Variants in TRPC3 observed in about 807,000 individuals in gnomAD.
TRPC3 encodes short transient receptor potential channel 3.
TRPC3 carries 54 observed loss-of-function variants against 90.9 expected under a neutral mutation model. The ratio of observed to expected loss-of-function variants is 0.59; its 90% CI spans 0.48 to 0.75. The LOEUF is 0.75. Among genes scored for constraint, TRPC3 ranks in the 30% least tolerant of loss-of-function variants. TRPC3 has a pLI of 0.00. For missense variants in TRPC3, 918 were observed against 1,194.5 expected (o/e 0.77, Z 3.41); for synonymous variants, 424 against 450.9 (o/e 0.94, Z 0.75).
At chr4:121,898,166 G>C (rs1214062510) in intron 10 of TRPC3, among the ~76,000 whole-genome samples, 1 of 152,334 alleles carries the variant, frequency 6.6e-6, no homozygotes, top group African/African-American at 2.4e-5. Context: ...GGAAGGGTAA[G>C]GGGTAGGGAG....
intron 3 of TRPC3, among the ~76,000 whole-genome samples, chr4:121,918,998 G>A (rs146403794): frequency 2.6e-4 from 40 of 152,248 alleles, no homozygotes; most frequent in African/African-American, 9.6e-4. Context: ...TTTGTATGCT[G>A]TTTCCTAACT....
In TRPC3 at chr4:121,874,512, C is replaced by T. The variant is rs573830284; in HGVS notation, c.*5224G>A. Among the ~76,000 whole-genome samples the T allele has an allele frequency of 2.0e-5, 3 of 152,122 alleles. No homozygotes were observed. The highest frequency in any genetic ancestry group is 4.4e-5 in the Non-Finnish European group (3 of 68,004). The stretch of plus-strand genomic sequence containing the variant: ...TCAACAACAGAAATTTATTTTCTCA[C>T]AGTCTTGGAGTCTAGAAGTCATAGA... On this transcript the variant is annotated 3_prime_UTR_variant, in exon 12 of 12. Transcript: ENST00000379645.
intron 9 of TRPC3, 53 bp downstream of exon 9, chr4:121,902,798 GA>G (rs559269234): frequency 1.4e-5 from 19 of 1,363,370 alleles, no homozygotes; most frequent in Admixed American, 2.3e-5. Flanking sequence ...CAGAAGACAA[GA>G]AAAAAAAGAC....
At position 121,884,448 on chromosome 4, in the gene TRPC3, A is replaced by G. The variant is rs72919921; in HGVS notation, c.2548-2019T>C. 3.9e-3 allele frequency among the ~76,000 whole-genome samples: 596 copies of G among 152,242 alleles called. 3 individuals are homozygous for G. The highest frequency in any genetic ancestry group is 0.014 in the African/African-American group (580 of 41,520). ...ATAGGTGTGAATGTAATTATGCTTCATAATTTATTTTGCATTACACATATT... is the reference window on the plus strand; with the variant it reads ...ATAGGTGTGAATGTAATTATGCTTCGTAATTTATTTTGCATTACACATATT... On this transcript the variant is annotated intron_variant, in intron 10 of 11. Coordinates refer to ENST00000379645, the MANE Select transcript of TRPC3 (RefSeq NM_001130698.2).
In TRPC3 at chr4:121,914,961, A is replaced by G; in HGVS notation, c.1177-17T>C. On this transcript the variant is annotated splice_polypyrimidine_tract_variant and intron_variant, in intron 3 of 11. Transcript: ENST00000379645. ...AGCCACAAACTATTGGGAGAGAGAG[A>G]GTTTGAGAAGGGGAGAGAAAGGTAA... 1 of 1,579,316 alleles carries G rather than the reference A, an allele frequency of 6.3e-7. No homozygotes were observed. The highest frequency in any genetic ancestry group is 1.1e-5 in the South Asian group (1 of 88,158).
At chr4:121,924,572 C>T (rs1009838101) in intron 3 of TRPC3, among the ~76,000 whole-genome samples, 1 of 152,198 alleles carries the variant, frequency 6.6e-6, no homozygotes. Context: ...GTCTTGCTTG[C>T]TCTGTTGCCC....
chr4:121,891,936 G>A (rs554598256), intron 10 of TRPC3, among the ~76,000 whole-genome samples: 1 of 152,254 alleles, frequency 6.6e-6, no homozygotes, highest in East Asian at 1.9e-4. Flanking sequence ...TATGTGCACT[G>A]CATGCATAAA....
In TRPC3 at chr4:121,910,160, T is replaced by C. The variant is rs766929139; in HGVS notation, c.1786A>G (p.Thr596Ala). 1.9e-6 allele frequency: 3 copies of C among 1,613,150 alleles called. No homozygotes were observed. The highest frequency in any genetic ancestry group is 2.7e-5 in the African/African-American group (2 of 74,984). The change falls in exon 6 of 12, where the codon ACT (threonine) becomes GCT (alanine). Residue 596 changes from threonine to alanine, a missense_variant. By Grantham distance (58) the Thr-to-Ala change is moderately conservative. This residue lies in a region of TRPC3 where 147 missense variants were observed against 263.5 expected (regional missense o/e 0.56). Transcript: ENST00000379645. ...VTLPPEIQYF[T>A]YARDKWLPSD... ...CCTGAAGCTAACAACTTACCATAAG[T>C]GAAATACTGTATCTCTGGTGGGAGT... is the stretch of plus-strand genomic sequence containing the variant.
At chr4:121,939,019 A>T (rs1730220406) in intron 1 of TRPC3, among the ~76,000 whole-genome samples, 1 of 152,082 alleles carries the variant, frequency 6.6e-6, no homozygotes. Context: ...TAAACATATT[A>T]TTCTGCCATT....
intron 4 of TRPC3, among the ~76,000 whole-genome samples, chr4:121,912,406 T>C (rs1458028458): frequency 6.6e-6 from 1 of 152,164 alleles, no homozygotes; most frequent in African/African-American, 2.4e-5. Flanking sequence ...CAAAAGAATA[T>C]GCAAAGTCTG....
At chr4:121,920,876 A>G (rs1560706280) in intron 3 of TRPC3, among the ~76,000 whole-genome samples, 2 of 152,332 alleles carry the variant, frequency 1.3e-5, no homozygotes, top group South Asian at 2.1e-4. Flanking sequence ...TACAATCGAA[A>G]AAACATTTTT....
At chr4:121,894,493 A>C (rs1490479840) in intron 10 of TRPC3, among the ~76,000 whole-genome samples, 1 of 149,658 alleles carries the variant, frequency 6.7e-6, no homozygotes, top group Admixed American at 6.7e-5. Flanking sequence ...CTACACCAAG[A>C]CCAATGGACC....
chr4:121,898,035 T>C (rs187542011), intron 10 of TRPC3, among the ~76,000 whole-genome samples: 2 of 152,148 alleles, frequency 1.3e-5, no homozygotes, highest in African/African-American at 4.8e-5. Flanking sequence ...TTATGTCAAG[T>C]GAAATAAGCC....
At chr4:121,881,352 G>A (rs1391511725) in intron 11 of TRPC3, among the ~76,000 whole-genome samples, 1 of 151,928 alleles carries the variant, frequency 6.6e-6, no homozygotes, top group Non-Finnish European at 1.5e-5. Context: ...TGTTTTTTAT[G>A]CCGTTTTAGC....
intron 8 of TRPC3, 83 bp downstream of exon 8, chr4:121,904,239 C>A: frequency 7.8e-7 from 1 of 1,286,546 alleles, no homozygotes; most frequent in Non-Finnish European, 1.1e-6. Flanking sequence ...TGAGCTGGAG[C>A]TCAGCCACAG....
intron 1 of TRPC3, among the ~76,000 whole-genome samples, chr4:121,943,194 T>C (rs398088876): frequency 1.8e-4 from 26 of 146,230 alleles, no homozygotes; most frequent in Non-Finnish European, 3.0e-5. Context: ...TTTCCCCCCC[T>C]AGATTACAGA....
At chr4:121,920,181 G>C (rs184839550) in intron 3 of TRPC3, among the ~76,000 whole-genome samples, 4 of 151,978 alleles carry the variant, frequency 2.6e-5, no homozygotes, top group Non-Finnish European at 5.9e-5. Context: ...AATAGTAATA[G>C]TGTTCACTAT....
intron 3 of TRPC3, among the ~76,000 whole-genome samples, chr4:121,922,747 G>A (rs992336259): frequency 6.6e-6 from 1 of 152,182 alleles, no homozygotes; most frequent in Non-Finnish European, 1.5e-5. Context: ...GTGAATATAT[G>A]TCTAGACAAT....
intron 1 of TRPC3, among the ~76,000 whole-genome samples, chr4:121,936,727 A>G (rs998257482): frequency 6.6e-6 from 1 of 152,142 alleles, no homozygotes; most frequent in African/African-American, 2.4e-5. Flanking sequence ...GCTACCTCCT[A>G]TGTAAGGAAA....
Sources: allele counts gnomAD v4.1 joint callset (sites outside exome capture counted in the v4.1 genomes callset), GRCh38; gene constraint gnomAD v4.1.1; regional missense constraint gnomAD v4.1.1; transcripts MANE v1.5; gene names NCBI Gene and HGNC (gene_info 2026-07-23, HGNC 2026-07-21).